PACSIN2: variants seen among roughly 807,000 people sequenced by gnomAD.
PACSIN2 encodes protein kinase C and casein kinase substrate in neurons 2, also known as protein kinase C and casein kinase substrate in neurons protein 2.
Under a neutral mutation model 63.8 loss-of-function variants are expected in PACSIN2, and 25 were observed. The observed-to-expected ratio is 0.39, with a 90% CI of 0.29 to 0.55. The LOEUF is 0.55. PACSIN2 is among the 20% of genes least tolerant of loss of function. The pLI, the probability that PACSIN2 is intolerant of heterozygous loss-of-function variation, is 0.62. For synonymous variants in PACSIN2, 255 were observed against 256.2 expected (o/e 1.00, Z 0.05); for missense variants, 518 against 646.9 (o/e 0.80, Z 2.16).
At chr22:42,960,578 T>C (rs1934094996) in intron 1 of PACSIN2, among the ~76,000 whole-genome samples, 2 of 152,236 alleles carry the variant, frequency 1.3e-5, no homozygotes, top group East Asian at 1.9e-4. Context: ...ACAATAAAGC[T>C]TTAGGTGAGG....
At chr22:42,965,136 T>C (rs1316956878) in intron 1 of PACSIN2, among the ~76,000 whole-genome samples, 1 of 152,190 alleles carries the variant, frequency 6.6e-6, no homozygotes, top group Admixed American at 6.5e-5. Context: ...GTGACATGGA[T>C]CAATCACAAA....
chr22:42,973,042 A>T (rs1921439791), intron 1 of PACSIN2, among the ~76,000 whole-genome samples: 1 of 152,202 alleles, frequency 6.6e-6, no homozygotes, highest in Admixed American at 6.5e-5. Context: ...GTCAATACGG[A>T]AGTAAGAACT....
intron 3 of PACSIN2, among the ~76,000 whole-genome samples, chr22:42,892,674 C>A (rs1569231359): frequency 6.6e-6 from 1 of 152,164 alleles, no homozygotes; most frequent in Admixed American, 6.5e-5. Context: ...TGTGCTAAGC[C>A]CACACAAACA....
rs751368353 is a variant in PACSIN2 at position 42,893,486 on chromosome 22, G to A, written c.188C>T (p.Ala63Val). The change falls in exon 3 of 11, where the codon GCC becomes GTC. Residue 63 changes from alanine to valine, a missense_variant. This residue lies in a region of PACSIN2 where 507 missense variants were observed against 612.3 expected (regional missense o/e 0.83). Coordinates refer to ENST00000263246, the MANE Select transcript of PACSIN2 (RefSeq NM_001184970.3). ...KAYAQQLTEW[A>V]RRWRQLVEKG... ...CTCCACGAGCTGCCTCCAGCGCCGG[G>A]CCCACTCAGTGAGCTGCTGCGCATA... 12 of 1,613,666 alleles carry A rather than the reference G, an allele frequency of 7.4e-6. No individual in the cohort carries two copies. Among genetic ancestry groups the A allele is most frequent in the African/African-American group, 1.3e-5 (1 of 74,952 alleles).
chr22:42,871,116 G>A lies in PACSIN2; in HGVS notation c.*241C>T, dbSNP rs975902872. 1 of 556,546 alleles carries A rather than the reference G, an allele frequency of 1.8e-6. No homozygotes were observed. Among genetic ancestry groups the A allele is most frequent in the Non-Finnish European group, 3.2e-6 (1 of 308,914 alleles). The allele number at this position is 556,546 out of a possible 1,614,324, so 34.5% of individuals were successfully genotyped here. On this transcript the variant is annotated 3_prime_UTR_variant, in exon 11 of 11. Transcript: ENST00000263246. This position sits in a 1 kb window ranked among gnomAD's most constrained non-coding sequence, Gnocchi z 5.4. Reference sequence around the variant, plus strand: ...TATGATAGGCCAACAGGCACAGTGGGCGGGGAGGGGCGGCTATTTCTGTTG... The same window carrying A: ...TATGATAGGCCAACAGGCACAGTGGACGGGGAGGGGCGGCTATTTCTGTTG...
In PACSIN2 at chr22:42,871,150, C is replaced by T; in HGVS notation, c.*207G>A. ...GGCGGCTATTTCTGTTGTTCTGCGT[C>T]TTCCTGCGCTCAGATCCCTCCAGCT... is the stretch of plus-strand genomic sequence containing the variant. On this transcript the variant is annotated 3_prime_UTR_variant, in exon 11 of 11. Coordinates refer to ENST00000263246, the MANE Select transcript of PACSIN2 (RefSeq NM_001184970.3). This position sits in a 1 kb window ranked among gnomAD's most constrained non-coding sequence, Gnocchi z 5.4. 5.1e-6 allele frequency: 3 copies of T among 592,080 alleles called. No homozygotes were observed. The highest frequency in any genetic ancestry group is 6.1e-6 in the Non-Finnish European group (2 of 330,266). The allele number at this position is 592,080 out of a possible 1,614,324, so 36.7% of individuals were successfully genotyped here.
chr22:42,870,794 A>T lies in PACSIN2; in HGVS notation c.*563T>A, dbSNP rs1031739221. The T allele has an allele frequency of 6.5e-6, 1 of 152,802 alleles. No homozygotes were observed. Among genetic ancestry groups the T allele is most frequent in the African/African-American group, 2.4e-5 (1 of 41,454 alleles). The allele number at this position is 152,802 out of a possible 1,614,324, so 9.5% of individuals were successfully genotyped here. A position where few individuals can be genotyped will look rare whatever the true frequency, so the allele number is the denominator to read the frequency against. ...CTCAAACATCTGCCACCTGAGGCTA[A>T]GCCTACACACGGCGTGGCTGAGTAA... On this transcript the variant is annotated 3_prime_UTR_variant, in exon 11 of 11. Coordinates refer to ENST00000263246, the MANE Select transcript of PACSIN2 (RefSeq NM_001184970.3).
At position 42,881,178 on chromosome 22, in the gene PACSIN2, A is replaced by G. The variant is rs555065281; in HGVS notation, c.906+1006T>C. On this transcript the variant is annotated intron_variant, in intron 7 of 10. Coordinates refer to ENST00000263246, the MANE Select transcript of PACSIN2 (RefSeq NM_001184970.3). ...AAAAACCTTCCTGTTAAGGGCCATAAAAGAAGTGCAGGAGTAAGGACTGAC... is the reference window on the plus strand; with the variant it reads ...AAAAACCTTCCTGTTAAGGGCCATAGAAGAAGTGCAGGAGTAAGGACTGAC... 5.9e-5 allele frequency among the ~76,000 whole-genome samples: 9 copies of G among 152,276 alleles called. No individual in the cohort carries two copies. In the South Asian group the frequency reaches 1.9e-3, roughly 32 times the overall value.
intron 1 of PACSIN2, among the ~76,000 whole-genome samples, chr22:42,915,020 G>T (rs751509186): frequency 1.3e-5 from 2 of 152,108 alleles, no homozygotes; most frequent in African/African-American, 2.4e-5. Context: ...CGTGCTGCCA[G>T]GCCCAGCTAA....
intron 4 of PACSIN2, among the ~76,000 whole-genome samples, chr22:42,890,286 C>G (rs1929811269): frequency 1.3e-5 from 2 of 152,166 alleles, no homozygotes. Context: ...AGGCGTGAGC[C>G]ACCGCGCCCG....
chr22:42,926,416 T>C (rs1170403880), intron 1 of PACSIN2, among the ~76,000 whole-genome samples: 8 of 152,016 alleles, frequency 5.3e-5, no homozygotes, highest in Admixed American at 1.3e-4. Context: ...ACACAACTCA[T>C]TGTTGCTATA....
chr22:42,884,267 G>C lies in PACSIN2; in HGVS notation c.785+119C>G. The C allele has an allele frequency of 5.8e-6, 5 of 864,572 alleles. No individual in the cohort carries two copies. In the East Asian group the frequency reaches 1.0e-4, roughly 17 times the overall value. 53.6% of individuals were successfully genotyped at this position (864,572 alleles called of 1,614,324 possible). On this transcript the variant is annotated intron_variant, in intron 6 of 10. Transcript: ENST00000263246. ...AAAGAAGCAGGAGGCCCTGAGGGCG[G>C]TGAGGAGACCTCCTGATGAACGCGC...
intron 1 of PACSIN2, among the ~76,000 whole-genome samples, chr22:42,938,594 G>A (rs1933010186): frequency 6.6e-6 from 1 of 152,226 alleles, no homozygotes; most frequent in Admixed American, 6.5e-5. Context: ...CATGAAGAAT[G>A]CCTCTGCACA....
At chr22:42,908,965 C>T (rs1931268361) in intron 2 of PACSIN2, among the ~76,000 whole-genome samples, 1 of 152,130 alleles carries the variant, frequency 6.6e-6, no homozygotes, top group Non-Finnish European at 1.5e-5. Context: ...CTCCCCTCTT[C>T]CTCTTTTTAT....
At chr22:42,929,287 G>C (rs1171954725) in intron 1 of PACSIN2, among the ~76,000 whole-genome samples, 1 of 152,198 alleles carries the variant, frequency 6.6e-6, no homozygotes, top group Non-Finnish European at 1.5e-5. Context: ...GGTAACACAA[G>C]GTCTCATCTA....
intron 1 of PACSIN2, among the ~76,000 whole-genome samples, chr22:42,971,901 T>C (rs1348615459): frequency 2.0e-3 from 97 of 48,022 alleles, no homozygotes; most frequent in East Asian, 5.2e-3. Flanking sequence ...GGGGGCAGCC[T>C]CCACCCGGCC....
chr22:42,940,232 C>T (rs537638560), intron 1 of PACSIN2, among the ~76,000 whole-genome samples: 2 of 152,252 alleles, frequency 1.3e-5, no homozygotes, highest in South Asian at 2.1e-4. Flanking sequence ...CTTAACTACT[C>T]AGTAATTAGG....
intron 2 of PACSIN2, among the ~76,000 whole-genome samples, chr22:42,897,731 T>C (rs1360539437): frequency 6.6e-6 from 1 of 152,202 alleles, no homozygotes. Context: ...GCACTGGAAC[T>C]GGGGCACTAG....
At chr22:42,955,393 T>A (rs905449377) in intron 1 of PACSIN2, among the ~76,000 whole-genome samples, 5 of 152,016 alleles carry the variant, frequency 3.3e-5, no homozygotes, top group African/African-American at 1.2e-4. Context: ...ATCTAACGGA[T>A]GGCTGGAAAT....
Sources: gnomAD v4.1 joint callset for allele counts (sites outside exome capture counted in the v4.1 genomes callset) on GRCh38, gnomAD v4.1.1 for gene constraint, gnomAD v4.1.1 regional missense constraint, Gnocchi (gnomAD v3.1) non-coding constraint, MANE v1.5 for transcripts, NCBI Gene and HGNC (gene_info 2026-07-23, HGNC 2026-07-21) for gene names.